MME: variants seen among roughly 807,000 people sequenced by gnomAD.
MME encodes the protein membrane metalloendopeptidase, also known as neprilysin.
Under a neutral mutation model 113.2 loss-of-function variants are expected in MME, and 98 were observed. The observed-to-expected ratio is 0.87, with a 90% confidence interval of 0.74 to 1.02. The LOEUF (loss-of-function observed/expected upper bound fraction) is 1.02. MME is among the 50% of genes least tolerant of loss of function. The probability of loss-of-function intolerance (pLI) is 0.00; values close to 1 mark genes in which losing one functional copy is unlikely to be tolerated. For synonymous variants in MME, 292 were observed against 300.6 expected (o/e 0.97, Z 0.30); for missense variants, 836 against 896.0 (o/e 0.93, Z 0.86).
At chr3:155,127,570 CAG>C (rs1719790902) in intron 8 of MME, among the ~76,000 whole-genome samples, 1 of 152,136 alleles carries the variant, frequency 6.6e-6, no homozygotes, top group African/African-American at 2.4e-5. Flanking sequence ...ACTTGGTTGG[CAG>C]AGAGGAAGGT....
At chr3:155,125,444 CTTTTTTTTTTTTT>C (rs1165027340) in intron 8 of MME, among the ~76,000 whole-genome samples, 4 of 65,286 alleles carry the variant, frequency 6.1e-5, no homozygotes, top group Non-Finnish European at 1.1e-4. Context: ...GCTCCTCCTC[CTTTTTTTTTTTTT>C]TTTTTTTTTT....
intron 1 of MME, among the ~76,000 whole-genome samples, chr3:155,065,851 G>A (rs1164094129): frequency 6.6e-6 from 1 of 152,144 alleles, no homozygotes; most frequent in Non-Finnish European, 1.5e-5. Context: ...AAAAGACAGT[G>A]CTTTCAAATA....
At chr3:155,035,082 T>G (rs930150401) in intron 1 of MME, among the ~76,000 whole-genome samples, 15 of 152,108 alleles carry the variant, frequency 9.9e-5, no homozygotes, top group African/African-American at 3.6e-4. Flanking sequence ...GGAATGTTTA[T>G]TTTAGAAATC....
At chr3:155,167,227 A>G (rs542649521) in intron 18 of MME, among the ~76,000 whole-genome samples, 1 of 152,028 alleles carries the variant, frequency 6.6e-6, no homozygotes, top group Non-Finnish European at 1.5e-5. Flanking sequence ...TGTGCTTTAC[A>G]CTCTGGCAGA....
In MME at chr3:155,042,917, T is replaced by TATATATAC. The variant is rs1553749778; in HGVS notation, c.-11+18600_-11+18601insCATATATA. Among the ~76,000 whole-genome samples the TATATATAC allele has an allele frequency of 1.2e-3, 59 of 51,042 alleles. 3 individuals are homozygous for TATATATAC. In the East Asian group the frequency reaches 0.027, roughly 24 times the overall value. The allele number at this position is 51,042 out of a possible 152,430, so 33.5% of individuals were successfully genotyped here. On this transcript the variant is annotated intron_variant, in intron 1 of 22. Transcript: ENST00000492661. ...AGTAGGTTTTATATATATATATATA[T>TATATATAC]ATATATATATATATATATATATGTA... is the stretch of plus-strand genomic sequence containing the variant.
rs752454327 is a variant in MME, at chr3:155,142,343, T to A, written c.1188+13T>A. ...TGCTTTCCGCAAGGTGAAGAAAAAA[T>A]CTCTCTTTTCTTAAGACTTAAAGCA... On this transcript the variant is annotated intron_variant, in intron 12 of 22. Transcript: ENST00000360490. 3.1e-6 allele frequency: 5 copies of A among 1,595,344 alleles called. No individual in the cohort carries two copies. Among genetic ancestry groups the A allele is most frequent in the African/African-American group, 1.3e-5 (1 of 74,478 alleles).
At chr3:155,135,234 T>C (rs746297676) in intron 8 of MME, among the ~76,000 whole-genome samples, 1 of 152,140 alleles carries the variant, frequency 6.6e-6, no homozygotes, top group African/African-American at 2.4e-5. Flanking sequence ...CAGAAAGGTA[T>C]TTCCTATTTT....
intron 3 of MME, among the ~76,000 whole-genome samples, chr3:155,105,219 T>C (rs970389008): frequency 6.6e-6 from 1 of 152,184 alleles, no homozygotes; most frequent in African/African-American, 2.4e-5. Context: ...TCTCAATGAG[T>C]TCTAAAATCC....
chr3:155,170,793 C>A (rs563627171), intron 20 of MME, among the ~76,000 whole-genome samples: 7 of 152,160 alleles, frequency 4.6e-5, no homozygotes, highest in African/African-American at 1.7e-4. Flanking sequence ...AAGGAGTACC[C>A]CCAGCTCTGA....
At chr3:155,136,739 T>C (rs946429871) in intron 8 of MME, among the ~76,000 whole-genome samples, 1 of 152,238 alleles carries the variant, frequency 6.6e-6, no homozygotes, top group African/African-American at 2.4e-5. Context: ...GCACTCACAG[T>C]GAATATATGG....
chr3:155,043,101 A>G (rs1713418540), intron 1 of MME, among the ~76,000 whole-genome samples: 1 of 149,560 alleles, frequency 6.7e-6, no homozygotes, highest in Admixed American at 6.7e-5. Flanking sequence ...AACATTTTAT[A>G]CCTGTTTCTT....
At chr3:155,118,685 T>G (rs1718829614) in intron 7 of MME, 61 bp from the exon 8 acceptor site, 1 of 1,110,474 alleles carries the variant, frequency 9.0e-7, no homozygotes, top group Non-Finnish European at 1.3e-6. Flanking sequence ...CATGCTTGTA[T>G]TTTTCAAACT....
intron 1 of MME, among the ~76,000 whole-genome samples, chr3:155,050,018 C>G (rs528169892): frequency 6.6e-6 from 1 of 152,126 alleles, no homozygotes; most frequent in East Asian, 1.9e-4. Context: ...CAGTATCTAG[C>G]ATTCTCCTCT....
intron 17 of MME, among the ~76,000 whole-genome samples, chr3:155,163,634 T>G (rs1722874002): frequency 6.6e-6 from 1 of 152,228 alleles, no homozygotes; most frequent in African/African-American, 2.4e-5. Context: ...TTTAGTGTAT[T>G]CTCCTTTTTC....
chr3:155,047,883 T>C (rs1713614691), intron 1 of MME, among the ~76,000 whole-genome samples: 1 of 152,234 alleles, frequency 6.6e-6, no homozygotes, highest in African/African-American at 2.4e-5. Context: ...TGAATTTCAG[T>C]TCCATGTTCG....
At position 155,056,827 on chromosome 3, in the gene MME, G is replaced by A. The variant is rs1381657858; in HGVS notation, c.-10-27331G>A. Among the ~76,000 whole-genome samples the A allele has an allele frequency of 3.9e-5, 6 of 152,252 alleles. No homozygotes were observed. In the East Asian group the frequency reaches 1.2e-3, roughly 29 times the overall value. On this transcript the variant is annotated intron_variant, in intron 1 of 22. Coordinates refer to the MME transcript ENST00000492661. ...AAAGTCTGATCTTTGACAAACCTGA[G>A]AAAAACAAGCAATGGGGAAAGGAGT...
chr3:155,168,434 A>G, intron 18 of MME, 58 bp from the exon 19 acceptor site: 4 of 1,433,438 alleles, frequency 2.8e-6, no homozygotes, highest in Non-Finnish European at 3.9e-6. Flanking sequence ...TGAATTAAAC[A>G]TATCTTATAA....
intron 9 of MME, among the ~76,000 whole-genome samples, chr3:155,138,587 T>C (rs3773886): frequency 0.099 from 15,027 of 152,256 alleles, 960 homozygotes; most frequent in Non-Finnish European, 0.15. Context: ...TTTTGATATG[T>C]ATAGAATATT....
In MME at chr3:155,116,449, T is replaced by A. The variant is rs202218776; in HGVS notation, c.359-30T>A. Reference sequence around the variant, plus strand: ...GCATAGTGCAAATGAGCAATTATGTTGATGCATTTTATTAAATGTCCTATT... The same window carrying A: ...GCATAGTGCAAATGAGCAATTATGTAGATGCATTTTATTAAATGTCCTATT... On this transcript the variant is annotated intron_variant, in intron 4 of 22. Coordinates refer to ENST00000360490, the MANE Select transcript of MME (RefSeq NM_007289.4). The A allele has an allele frequency of 4.2e-6, 6 of 1,445,260 alleles. No individual in the cohort carries two copies. In the African/African-American group the frequency reaches 8.4e-5, roughly 20 times the overall value. The allele number at this position is 1,445,260 out of a possible 1,614,324, so 89.5% of individuals were successfully genotyped here. A position where few individuals can be genotyped will look rare whatever the true frequency, so the allele number is the denominator to read the frequency against.
Sources: allele counts gnomAD v4.1 joint callset (sites outside exome capture counted in the v4.1 genomes callset), GRCh38; gene constraint gnomAD v4.1.1; transcripts MANE v1.5; gene names NCBI Gene and HGNC (gene_info 2026-07-23, HGNC 2026-07-21).